Variants in SORCS1 observed in about 807,000 individuals in gnomAD.
The protein encoded by SORCS1 is sortilin related VPS10 domain containing receptor 1, also known as VPS10 domain-containing receptor SorCS1.
Under a neutral mutation model 146.1 loss-of-function variants are expected in SORCS1, and 60 were observed. The observed-to-expected ratio is 0.41, with a 90% CI of 0.33 to 0.51. SORCS1 has a LOEUF of 0.51. Ranked by LOEUF, SORCS1 falls within the 20% of genes least tolerant of loss-of-function variation. SORCS1 has a pLI of 0.21. For missense variants in SORCS1, 1,352 were observed against 1,487.6 expected, an observed-to-expected ratio of 0.91 and a Z score of 1.50; for synonymous variants, 637 against 584.0, an observed-to-expected ratio of 1.09 and a Z score of -1.31.
intron 1 of SORCS1, among the ~76,000 whole-genome samples, chr10:107,144,341 C>T (rs1225800391): frequency 6.6e-6 from 1 of 152,168 alleles, no homozygotes; most frequent in African/African-American, 2.4e-5. Flanking sequence ...GAAAGTTAAG[C>T]ACATGATAGG....
chr10:106,933,342 G>C (rs1400758485), intron 2 of SORCS1, among the ~76,000 whole-genome samples: 1 of 151,992 alleles, frequency 6.6e-6, no homozygotes, highest in Admixed American at 6.5e-5. Flanking sequence ...TCTTGGGTGG[G>C]GCCACACATA....
At chr10:106,891,190 A>C (rs1159223814) in intron 2 of SORCS1, among the ~76,000 whole-genome samples, 1 of 152,170 alleles carries the variant, frequency 6.6e-6, no homozygotes, top group Non-Finnish European at 1.5e-5. Context: ...ATTAGGATGA[A>C]CTGTCACACT....
intron 2 of SORCS1, among the ~76,000 whole-genome samples, chr10:106,901,906 T>C (rs753254413): frequency 7.9e-5 from 12 of 152,088 alleles, no homozygotes; most frequent in Admixed American, 2.0e-4. Context: ...TAGCCAGGCA[T>C]GGTGGCGGGC....
intron 1 of SORCS1, among the ~76,000 whole-genome samples, chr10:106,972,095 G>C (rs1469457677): frequency 6.6e-6 from 1 of 152,054 alleles, no homozygotes; most frequent in Admixed American, 6.6e-5. Context: ...GCCAGGCACG[G>C]TGGTTCATGC....
At chr10:106,842,804 G>T (rs914839195) in intron 2 of SORCS1, among the ~76,000 whole-genome samples, 1 of 151,018 alleles carries the variant, frequency 6.6e-6, no homozygotes, top group Non-Finnish European at 1.5e-5. Flanking sequence ...GTAGAGATGG[G>T]GTTTCACCAT....
At chr10:106,602,634 A>G (rs2133353351) in intron 23 of SORCS1, among the ~76,000 whole-genome samples, 1 of 152,150 alleles carries the variant, frequency 6.6e-6, no homozygotes, top group South Asian at 2.1e-4. Flanking sequence ...TCCGTCATAA[A>G]TATGTGTTTC....
intron 1 of SORCS1, among the ~76,000 whole-genome samples, chr10:106,972,814 T>C (rs750396790): frequency 6.6e-6 from 1 of 152,190 alleles, no homozygotes; most frequent in Non-Finnish European, 1.5e-5. Flanking sequence ...ACCAGCTAGG[T>C]GCTTCACACA....
intron 2 of SORCS1, among the ~76,000 whole-genome samples, chr10:106,912,125 C>CAA (rs908723072): frequency 2.8e-5 from 4 of 141,272 alleles, no homozygotes; most frequent in African/African-American, 1.1e-4. Context: ...AAAAAAAAAA[C>CAA]AAACAAACAA....
At chr10:106,980,414 T>C (rs931702740) in intron 1 of SORCS1, among the ~76,000 whole-genome samples, 2 of 152,258 alleles carry the variant, frequency 1.3e-5, no homozygotes, top group Non-Finnish European at 2.9e-5. Flanking sequence ...AGAACAATAG[T>C]AGGTAGAAAT....
intron 25 of SORCS1, 22 bp from the exon 26 acceptor site, chr10:106,577,577 T>A: frequency 6.2e-7 from 1 of 1,609,978 alleles, no homozygotes; most frequent in South Asian, 1.1e-5. Flanking sequence ...CGTGTAACAC[T>A]TACTCATTTA....
chr10:106,663,038 C>G (rs1278400600), intron 17 of SORCS1, among the ~76,000 whole-genome samples: 1 of 152,094 alleles, frequency 6.6e-6, no homozygotes, highest in Non-Finnish European at 1.5e-5. Context: ...CCAAAAGAGA[C>G]TTAATTATCT....
intron 1 of SORCS1, among the ~76,000 whole-genome samples, chr10:107,065,761 A>T (rs1182769417): frequency 6.6e-6 from 1 of 151,954 alleles, no homozygotes; most frequent in Non-Finnish European, 1.5e-5. Context: ...CAAGAGATTC[A>T]CTGGCCTCCG....
intron 2 of SORCS1, among the ~76,000 whole-genome samples, chr10:106,912,765 A>G (rs1952227273): frequency 6.6e-6 from 1 of 151,628 alleles, no homozygotes; most frequent in South Asian, 2.1e-4. Context: ...TGCAACCTCC[A>G]CCTCCTGGGT....
chr10:107,164,310 C>A lies in SORCS1; in HGVS notation c.217G>T (p.Val73Leu). 6.3e-7 allele frequency: 1 copy of A among 1,576,870 alleles called. No individual in the cohort carries two copies. The highest frequency in any genetic ancestry group is 8.6e-7 in the Non-Finnish European group (1 of 1,165,634). ...GCCACTGAGAACAGGGGACGCACTA[C>A]GAGGGGCAGGGGCGTGGCAGGAGCC... ...GRAPATPLPLVVRPLFSVAPG... is the reference protein window; with the variant it reads ...GRAPATPLPLLVRPLFSVAPG... The change falls in exon 1 of 26, where the codon GTA becomes TTA. Residue 73 changes from valine to leucine, a missense_variant. This residue lies in a region of SORCS1 where 490 missense variants were observed against 489.1 expected (regional missense o/e 1.00). Transcript: ENST00000263054. The surrounding 1 kb of genome is among the most constrained non-coding windows in gnomAD (Gnocchi z 6.8).
At chr10:106,922,754 A>C (rs995085677) in intron 2 of SORCS1, among the ~76,000 whole-genome samples, 7 of 152,186 alleles carry the variant, frequency 4.6e-5, no homozygotes, top group African/African-American at 1.4e-4. Context: ...ATATTCTACA[A>C]GTCTGGACTA....
At chr10:107,167,550 C>T (rs902141921), upstream of SORCS1, among the ~76,000 whole-genome samples, 41 of 151,404 alleles carry the variant, frequency 2.7e-4, no homozygotes, top group African/African-American at 9.3e-4. Flanking sequence ...TTACTGCTCA[C>T]TCTACTCCAT....
At chr10:107,092,894 A>C (rs1258054329) in intron 1 of SORCS1, among the ~76,000 whole-genome samples, 2 of 151,414 alleles carry the variant, frequency 1.3e-5, no homozygotes, top group African/African-American at 4.9e-5. Context: ...AAAAAAAAAA[A>C]AAAAAAAAAA....
At chr10:107,165,723 C>T (rs1442269157), upstream of SORCS1, among the ~76,000 whole-genome samples, 1 of 152,194 alleles carries the variant, frequency 6.6e-6, no homozygotes, top group African/African-American at 2.4e-5. This position sits in a 1 kb window ranked among gnomAD's most constrained non-coding sequence, Gnocchi z 4.0. Flanking sequence ...TGGTGCCTGG[C>T]CCAGTGCTAC....
intron 18 of SORCS1, among the ~76,000 whole-genome samples, chr10:106,629,965 A>C (rs1057288163): frequency 5.9e-5 from 9 of 152,182 alleles, no homozygotes; most frequent in African/African-American, 2.2e-4. Context: ...GAATTGCTTG[A>C]ATCTGGCAGG....
Sources: gnomAD v4.1 joint callset for allele counts (sites outside exome capture counted in the v4.1 genomes callset) on GRCh38, gnomAD v4.1.1 for gene constraint, gnomAD v4.1.1 regional missense constraint, Gnocchi (gnomAD v3.1) non-coding constraint, MANE v1.5 for transcripts, NCBI Gene and HGNC (gene_info 2026-07-23, HGNC 2026-07-21) for gene names.